The following AK9 variants were observed in gnomAD, a reference collection of about 807,000 sequenced individuals.
AK9 encodes the protein adenylate kinase 9, also known as adenylate kinase domain containing 1.
Under a neutral mutation model 239.6 loss-of-function variants are expected in AK9, and 191 were observed. The ratio of observed to expected loss-of-function variants is 0.80; its 90% CI spans 0.71 to 0.90. AK9 has a LOEUF of 0.90. AK9 is among the 40% of genes least tolerant of loss of function. The pLI is 0.00. For missense variants in AK9, 1,995 were observed against 2,214.7 expected (o/e 0.90, Z 1.99); for synonymous variants, 689 against 721.0 (o/e 0.96, Z 0.71).
At chr6:109,523,639 G>C (rs1159129795) in intron 29 of AK9, among the ~76,000 whole-genome samples, 1 of 152,094 alleles carries the variant, frequency 6.6e-6, no homozygotes, top group Non-Finnish European at 1.5e-5. Flanking sequence ...AACTTTGGTA[G>C]AAAGCCAACT....
At position 109,675,668 on chromosome 6, in the gene AK9, C is replaced by CA; in HGVS notation, c.77dup (p.Leu26PhefsTer35). 6.3e-7 allele frequency: 1 copy of CA among 1,594,692 alleles called. No homozygotes were observed. The highest frequency in any genetic ancestry group is 1.4e-5 in the African/African-American group (1 of 73,930). The stretch of plus-strand genomic sequence containing the variant: ...CAACAAAGCAAACAGGTTTGGACAA[C>CA]AAAAAATTCCTTTCAGTTTCATCTT... On this transcript the variant is annotated frameshift_variant, in exon 2 of 41. Coordinates refer to ENST00000424296, the MANE Select transcript of AK9 (RefSeq NM_001145128.3). LOFTEE classifies it high-confidence loss of function.
At chr6:109,677,220 C>T (rs530461478) in intron 1 of AK9, among the ~76,000 whole-genome samples, 1 of 152,064 alleles carries the variant, frequency 6.6e-6, no homozygotes, top group Admixed American at 6.5e-5. Flanking sequence ...AGTAAACCTG[C>T]ACATGTACCC....
In AK9 at chr6:109,497,816, G is replaced by A. The variant is rs1448956892; in HGVS notation, c.5196C>T (p.Thr1732=). The A allele has an allele frequency of 4.3e-6, 7 of 1,613,650 alleles. No homozygotes were observed. The highest frequency in any genetic ancestry group is 5.9e-6 in the Non-Finnish European group (7 of 1,179,714). Residue 1732 remains threonine (T), a synonymous_variant, in exon 37 of 41, where the codon ACC becomes ACT. Transcript: ENST00000424296. ...CAELQGYCPV[T]YKDGNQRYEA... is the part of the protein sequence containing the mutation. ...CTTGCCTTTGGTTTCCATCCTTATAGGTCACTGGACAGTAGCCCTGGAGCT... is the reference window on the plus strand; with the variant it reads ...CTTGCCTTTGGTTTCCATCCTTATAAGTCACTGGACAGTAGCCCTGGAGCT...
intron 13 of AK9, among the ~76,000 whole-genome samples, chr6:109,616,575 C>G (rs570358640): frequency 6.6e-6 from 1 of 151,838 alleles, no homozygotes; most frequent in Admixed American, 6.6e-5. Flanking sequence ...TAATGTCTCC[C>G]TTTGTTGCCC....
In AK9 at chr6:109,533,490, T is replaced by C. The variant is rs375824155; in HGVS notation, c.3351-20A>G. On this transcript the variant is annotated intron_variant, in intron 27 of 40. Coordinates refer to ENST00000424296, the MANE Select transcript of AK9 (RefSeq NM_001145128.3). ...GTGGAACTGGTGGAAATTTTCATAA[T>C]TTACTTTATTTCATTAAAATGTTGT... 8.4e-6 allele frequency: 13 copies of C among 1,544,574 alleles called. No individual in the cohort carries two copies. The African/African-American group carries it at 1.3e-4, about 15-fold the overall frequency.
chr6:109,542,298 A>G, intron 26 of AK9, 127 bp from the exon 27 acceptor site: 1 of 859,364 alleles, frequency 1.2e-6, no homozygotes, highest in Non-Finnish European at 1.7e-6. Context: ...GAAAGTTACC[A>G]CAGGCAGGGA....
chr6:109,632,415 G>A (rs1796182494), intron 12 of AK9: 1 of 688,712 alleles, frequency 1.5e-6, no homozygotes, highest in Non-Finnish European at 1.8e-6. Flanking sequence ...AAATATGCTT[G>A]TTTCATACCA....
At chr6:109,678,963 A>G (rs1445652822) in intron 1 of AK9, among the ~76,000 whole-genome samples, 1 of 152,220 alleles carries the variant, frequency 6.6e-6, no homozygotes, top group Non-Finnish European at 1.5e-5. Flanking sequence ...CACAACCCGC[A>G]GACCAGGAGA....
chr6:109,639,618 AGT>A (rs1322663813), intron 10 of AK9, among the ~76,000 whole-genome samples: 2 of 152,106 alleles, frequency 1.3e-5, no homozygotes, highest in Non-Finnish European at 2.9e-5. Context: ...CTCTGATGGT[AGT>A]TTCTTTTGCT....
intron 8 of AK9, among the ~76,000 whole-genome samples, chr6:109,652,216 T>C (rs1015538519): frequency 6.6e-6 from 1 of 152,180 alleles, no homozygotes; most frequent in Non-Finnish European, 1.5e-5. Flanking sequence ...ACGATCAAGT[T>C]GGCTTCATCC....
At position 109,515,891 on chromosome 6, in the gene AK9, T is replaced by C. The variant is rs1297675669; in HGVS notation, c.4031A>G (p.Tyr1344Cys). ...GTCCCAATAGCCGAATGAGCTTATATACTTGTAGGTAAAGGTGAGCATTTT... is the reference window on the plus strand; with the variant it reads ...GTCCCAATAGCCGAATGAGCTTATACACTTGTAGGTAAAGGTGAGCATTTT... ...AQKMLTFTYK[Y>C]ISSFGYWDPV... Residue 1344 changes from tyrosine (Y) to cysteine (C), a missense_variant, in exon 31 of 41, where the codon TAT becomes TGT. Around this residue, in one of 5 missense-constraint regions of AK9, gnomAD observed 1,290 missense variants for 1,392.7 expected, o/e 0.93. Transcript: ENST00000424296. 15 of 1,551,664 alleles carry C rather than the reference T, an allele frequency of 9.7e-6. No homozygotes were observed. The highest frequency in any genetic ancestry group is 2.4e-5 in the South Asian group (2 of 84,056).
chr6:109,667,168 G>C (rs1274931013), intron 5 of AK9, among the ~76,000 whole-genome samples: 3 of 151,972 alleles, frequency 2.0e-5, no homozygotes, highest in Non-Finnish European at 4.4e-5. Context: ...TTATTAAAAG[G>C]GCTCTAGTAT....
intron 35 of AK9, among the ~76,000 whole-genome samples, chr6:109,500,491 C>A (rs746761372): frequency 6.6e-6 from 1 of 151,992 alleles, no homozygotes; most frequent in East Asian, 1.9e-4. Flanking sequence ...ATAGCCAGTA[C>A]GTTTTGTTAG....
At chr6:109,668,178 T>C (rs1385469287) in intron 5 of AK9, among the ~76,000 whole-genome samples, 1 of 152,224 alleles carries the variant, frequency 6.6e-6, no homozygotes, top group Non-Finnish European at 1.5e-5. Context: ...TTCATGTGTC[T>C]GTTGGCTGCA....
chr6:109,577,962 T>C (rs770124276), intron 20 of AK9, among the ~76,000 whole-genome samples: 2 of 150,830 alleles, frequency 1.3e-5, no homozygotes, highest in East Asian at 1.9e-4. Context: ...TCTTTTTAGA[T>C]AGCCTGTTGC....
chr6:109,594,279 G>C (rs1054100188), intron 17 of AK9, among the ~76,000 whole-genome samples: 31 of 152,180 alleles, frequency 2.0e-4, no homozygotes, highest in Middle Eastern at 3.4e-3. Flanking sequence ...GCTACAAAAA[G>C]AATAAAATAC....
intron 26 of AK9, among the ~76,000 whole-genome samples, chr6:109,543,746 C>T (rs1783183694): frequency 1.3e-5 from 2 of 151,888 alleles, no homozygotes; most frequent in Admixed American, 1.3e-4. Context: ...CCGTGCCTGT[C>T]CCGATATACA....
At chr6:109,511,635 G>A (rs1470129675) in intron 32 of AK9, among the ~76,000 whole-genome samples, 1 of 152,070 alleles carries the variant, frequency 6.6e-6, no homozygotes, top group Non-Finnish European at 1.5e-5. Context: ...GATAGCAGTG[G>A]GTGGAGGATA....
chr6:109,666,763 C>G (rs898043975), intron 5 of AK9, among the ~76,000 whole-genome samples: 1 of 152,214 alleles, frequency 6.6e-6, no homozygotes, highest in African/African-American at 2.4e-5. Context: ...TTGTGTTCAG[C>G]CATCCCTGCT....
Sources: gnomAD v4.1 joint callset for allele counts (sites outside exome capture counted in the v4.1 genomes callset) on GRCh38, gnomAD v4.1.1 for gene constraint, gnomAD v4.1.1 regional missense constraint, MANE v1.5 for transcripts, NCBI Gene and HGNC (gene_info 2026-07-23, HGNC 2026-07-21) for gene names.